SUPT6H: variants seen among roughly 807,000 people sequenced by gnomAD.
SUPT6H encodes the protein SPT6 homolog, histone chaperone and transcription elongation factor, also known as transcription elongation factor SPT6.
SUPT6H carries 11 observed loss-of-function variants against 222.3 expected under a neutral mutation model. The observed-to-expected ratio is 0.05, with a 90% CI of 0.03 to 0.08. The LOEUF (loss-of-function observed/expected upper bound fraction) is 0.08, where lower values mean the gene tolerates loss of function less well. Ranked by LOEUF, SUPT6H falls within the 10% of genes least tolerant of loss-of-function variation. The probability of loss-of-function intolerance (pLI) is 1.00; values close to 1 mark genes in which losing one functional copy is unlikely to be tolerated. For missense variants in SUPT6H, 1,422 were observed against 2,216.0 expected (o/e 0.64, Z 7.19); for synonymous variants, 762 against 801.2 (o/e 0.95, Z 0.83).
chr17:28,672,693 A>C (rs2030496667), intron 1 of SUPT6H: 1 of 149,646 alleles, frequency 6.7e-6, no homozygotes, highest in Non-Finnish European at 1.5e-5. Flanking sequence ...GGGTTATAGG[A>C]GTGAGCTACC....
intron 30 of SUPT6H, 121 bp downstream of exon 30, chr17:28,697,203 A>G (rs2031966318): frequency 1.3e-6 from 1 of 769,022 alleles, no homozygotes; most frequent in South Asian, 1.7e-5. Context: ...GCACAGCAAC[A>G]AAACGGGAGG....
chr17:28,700,594 A>G, intron 35 of SUPT6H, 82 bp downstream of exon 35: 1 of 1,517,416 alleles, frequency 6.6e-7, no homozygotes, highest in Non-Finnish European at 8.9e-7. Context: ...GGGGCTTCAC[A>G]TGCACAGATG....
chr17:28,697,950 C>T lies in SUPT6H; in HGVS notation c.4368C>T (p.Thr1456=), dbSNP rs767781917. The change falls in exon 32 of 37, where the codon ACC becomes ACT. Residue 1456 remains threonine (T), a synonymous_variant. Transcript: ENST00000314616. ...TCAAAACTAAGAAGGAGAAGCCCAC[C>T]TTCATCCCTTATTTCATCTGTGCCT... is the stretch of plus-strand genomic sequence containing the variant. ...LLIKTKKEKP[T]FIPYFICACK... 9.9e-6 allele frequency: 16 copies of T among 1,613,972 alleles called. No homozygotes were observed. In the Admixed American group the frequency reaches 2.7e-4, roughly 27 times the overall value.
intron 1 of SUPT6H, among the ~76,000 whole-genome samples, chr17:28,669,476 G>A (rs1044265541): frequency 2.6e-5 from 4 of 152,132 alleles, no homozygotes; most frequent in Admixed American, 1.3e-4. Flanking sequence ...CACAGCACTC[G>A]GCCGAATAAT....
In SUPT6H at chr17:28,675,071, C is replaced by A. The variant is rs1567688265; in HGVS notation, c.447C>A (p.Ile149=). 1 of 1,614,006 alleles carries A rather than the reference C, an allele frequency of 6.2e-7. No individual in the cohort carries two copies. The highest frequency in any genetic ancestry group is 8.5e-7 in the Non-Finnish European group (1 of 1,180,026). Residue 149 remains isoleucine, a synonymous_variant, in exon 5 of 37, where the codon ATC becomes ATA. Coordinates refer to ENST00000314616, the MANE Select transcript of SUPT6H (RefSeq NM_003170.5). ...EHEKEAIAEE[I]FQDGEGEEGQ... ...AAAAAGAAGCTATTGCGGAAGAAATCTTCCAGGATGGGGAAGGGGAAGAAG... is the reference window on the plus strand; with the variant it reads ...AAAAAGAAGCTATTGCGGAAGAAATATTCCAGGATGGGGAAGGGGAAGAAG...
At chr17:28,666,757 G>A (rs191518810) in intron 1 of SUPT6H, among the ~76,000 whole-genome samples, 3 of 152,092 alleles carry the variant, frequency 2.0e-5, no homozygotes, top group Admixed American at 6.6e-5. Context: ...TCATCATGCT[G>A]GCCAGGCTGG....
chr17:28,675,344 A>G (rs964891556), intron 5 of SUPT6H, 57 bp from the exon 6 acceptor site: 3 of 1,597,316 alleles, frequency 1.9e-6, no homozygotes, highest in Non-Finnish European at 2.6e-6. Flanking sequence ...AACCAAAGCA[A>G]TTTAGTCCTG....
At chr17:28,690,272 T>C (rs2031579515) in intron 26 of SUPT6H, 43 bp downstream of exon 26, 17 of 1,605,990 alleles carry the variant, frequency 1.1e-5, no homozygotes, top group Non-Finnish European at 1.4e-5. Flanking sequence ...AGGAGGTGTG[T>C]TTACTGTGTA....
At chr17:28,685,139 T>C (rs556256487) in intron 19 of SUPT6H, among the ~76,000 whole-genome samples, 178 bp downstream of exon 19, 11 of 152,318 alleles carry the variant, frequency 7.2e-5, no homozygotes, top group Admixed American at 5.9e-4. Flanking sequence ...ACTCAAGTTA[T>C]CTAGTACGGG....
intron 1 of SUPT6H, among the ~76,000 whole-genome samples, chr17:28,663,426 T>C (rs1238550486): frequency 6.6e-6 from 1 of 152,226 alleles, no homozygotes; most frequent in Non-Finnish European, 1.5e-5. Flanking sequence ...ATTAATTACA[T>C]CAGAAAGTGG....
At position 28,695,414 on chromosome 17, in the gene SUPT6H, G is replaced by C. The variant is rs749715664; in HGVS notation, c.3837G>C (p.Leu1279=). 1.2e-6 allele frequency: 2 copies of C among 1,614,096 alleles called. No individual in the cohort carries two copies. Among genetic ancestry groups the C allele is most frequent in the Non-Finnish European group, 1.7e-6 (2 of 1,180,024 alleles). The change falls in exon 29 of 37, where the codon CTG becomes CTC. Residue 1279 remains leucine, a synonymous_variant. Coordinates refer to ENST00000314616, the MANE Select transcript of SUPT6H (RefSeq NM_003170.5). Reference sequence around the variant, plus strand: ...ACATTGAGAAGTTCAGTGCAGACCTGACCTGCCGCACCTCAGACCTCATGG... The same window carrying C: ...ACATTGAGAAGTTCAGTGCAGACCTCACCTGCCGCACCTCAGACCTCATGG... ...KIDIEKFSAD[L]TCRTSDLMDR... is the part of the protein sequence containing the mutation.
chr17:28,676,655 T>C (rs1302685357), intron 7 of SUPT6H, among the ~76,000 whole-genome samples: 1 of 152,200 alleles, frequency 6.6e-6, no homozygotes, highest in Non-Finnish European at 1.5e-5. Context: ...GTCTGGGTGC[T>C]GTGGCTCACA....
Position 28,687,076 on chromosome 17 carries a change from G to A in SUPT6H, c.2701-12G>A, listed in dbSNP as rs751746344. 30 of 1,611,888 alleles carry A rather than the reference G, an allele frequency of 1.9e-5. No homozygotes were observed. The highest frequency in any genetic ancestry group is 2.3e-5 in the Non-Finnish European group (27 of 1,179,360). On this transcript the variant is annotated splice_polypyrimidine_tract_variant and intron_variant, in intron 21 of 36. Coordinates refer to ENST00000314616, the MANE Select transcript of SUPT6H (RefSeq NM_003170.5). ...GGATTTTAAGGCCCTGCTGACCCTC[G>A]TTTGACTCTAGGCAGAGTTCCGGGA...
chr17:28,691,859 A>G (rs1442130308), intron 27 of SUPT6H: 3 of 152,162 alleles, frequency 2.0e-5, no homozygotes, highest in African/African-American at 7.2e-5. Context: ...CAAAAAAAAA[A>G]AAAAAGAAAC....
At position 28,697,574 on chromosome 17, in the gene SUPT6H, C is replaced by G. The variant is rs374900305; in HGVS notation, c.4210-46C>G. ...CTTCTGGATGGATTTGATCAAGAATCTCAGCTCTGGATATGACACATGGGG... is the reference window on the plus strand; with the variant it reads ...CTTCTGGATGGATTTGATCAAGAATGTCAGCTCTGGATATGACACATGGGG... On this transcript the variant is annotated intron_variant, in intron 30 of 36. Coordinates refer to ENST00000314616, the MANE Select transcript of SUPT6H (RefSeq NM_003170.5). 8.0e-6 allele frequency: 12 copies of G among 1,507,940 alleles called. No homozygotes were observed. In the African/African-American group the frequency reaches 1.2e-4, roughly 16 times the overall value. 93.4% of individuals were successfully genotyped at this position (1,507,940 alleles called of 1,614,324 possible).
At chr17:28,675,537 C>G (rs1267580593) in intron 6 of SUPT6H, 52 bp downstream of exon 6, 1 of 1,595,192 alleles carries the variant, frequency 6.3e-7, no homozygotes, top group African/African-American at 1.3e-5. Context: ...TGGGCCCAGT[C>G]AGGAAGGAGG....
Position 28,688,117 on chromosome 17 carries a change from C to T in SUPT6H, c.3033C>T (p.Leu1011=), listed in dbSNP as rs185242914. 1.2e-5 allele frequency: 20 copies of T among 1,613,086 alleles called. No homozygotes were observed. The South Asian group carries it at 1.4e-4, about 12-fold the overall frequency. The change falls in exon 24 of 37, where the codon CTC becomes CTT. Residue 1011 remains leucine (L), a synonymous_variant. Coordinates refer to ENST00000314616, the MANE Select transcript of SUPT6H (RefSeq NM_003170.5). This position sits in a 1 kb window ranked among gnomAD's most constrained non-coding sequence, Gnocchi z 4.3. The stretch of plus-strand genomic sequence containing the variant: ...TCCTGAAGCAGAACAACACCCGGCT[C>T]GAGAGCCGGACCCAGCTGGTCACCA... ...LKILKQNNTR[L]ESRTQLVTMC...
At chr17:28,697,851 C>T (rs761080913) in intron 31 of SUPT6H, 55 bp from the exon 32 acceptor site, 63 of 1,607,938 alleles carry the variant, frequency 3.9e-5, no homozygotes, top group South Asian at 1.2e-4. Flanking sequence ...GTGCACCAGA[C>T]GTTGTGTACC....
At chr17:28,689,651 C>A in intron 25 of SUPT6H, 90 bp downstream of exon 25, 1 of 1,228,830 alleles carries the variant, frequency 8.1e-7, no homozygotes, top group Non-Finnish European at 1.2e-6. Flanking sequence ...GCAGAGAAAG[C>A]CTGATACTGT....
Sources: allele counts gnomAD v4.1 joint callset (sites outside exome capture counted in the v4.1 genomes callset), GRCh38; gene constraint gnomAD v4.1.1; non-coding constraint Gnocchi (gnomAD v3.1); transcripts MANE v1.5; gene names NCBI Gene and HGNC (gene_info 2026-07-23, HGNC 2026-07-21).